Variants in MYO9A observed in about 807,000 individuals in gnomAD.
The protein encoded by MYO9A is myosin IXA, also known as unconventional myosin-IXa.
A neutral mutation model predicts 293.3 loss-of-function variants in MYO9A; 103 were observed. The ratio of observed to expected loss-of-function variants is 0.35; its 90% confidence interval spans 0.30 to 0.41. The LOEUF (loss-of-function observed/expected upper bound fraction) is 0.41, where lower values mean the gene tolerates loss of function less well. Among genes scored for constraint, MYO9A ranks in the 10% least tolerant of loss-of-function variants. MYO9A has a pLI of 1.00. For synonymous variants in MYO9A, 1,001 were observed against 1,035.7 expected (o/e 0.97, Z 0.64); for missense variants, 2,685 against 3,033.0 (o/e 0.89, Z 2.69).
intron 15 of MYO9A, among the ~76,000 whole-genome samples, chr15:71,945,871 T>C (rs1224121467): frequency 2.6e-5 from 4 of 152,290 alleles, no homozygotes; most frequent in Non-Finnish European, 2.9e-5. Context: ...AGGATTTTCA[T>C]GCATATTCTT....
chr15:71,850,081 G>C lies in MYO9A; in HGVS notation c.6668C>G (p.Thr2223Ser), dbSNP rs201022281. The C allele has an allele frequency of 3.0e-5, 49 of 1,613,982 alleles. No individual in the cohort carries two copies. The highest frequency in any genetic ancestry group is 3.9e-5 in the Non-Finnish European group (46 of 1,179,964). ...FAPCILRCPD[T>S]TDPLQSVQDI... ...CTGTACACTTTGTAGTGGGTCAGTG[G>C]TGTCAGGGCAGCGGAGAATGCAGGG... Residue 2223 changes from threonine to serine, a missense_variant, in exon 38 of 42, where the codon ACC (threonine) becomes AGC (serine). Thr to Ser is a moderately conservative substitution (Grantham distance 58, BLOSUM62 1). Coordinates refer to ENST00000356056, the MANE Select transcript of MYO9A (RefSeq NM_006901.4).
intron 1 of MYO9A, among the ~76,000 whole-genome samples, chr15:72,115,372 T>C (rs965441411): frequency 6.6e-5 from 10 of 152,254 alleles, no homozygotes; most frequent in Middle Eastern, 6.8e-3. Context: ...AAACTGAACA[T>C]GTCACAAATT....
rs962122350 is a variant in MYO9A at position 71,822,569 on chromosome 15, A to G, written c.*4011T>C. Reference sequence around the variant, plus strand: ...ACAGTAAAATGTTATATTTCACAGGATATGTCCTTTTATAATACAGTTTTT... The same window carrying G: ...ACAGTAAAATGTTATATTTCACAGGGTATGTCCTTTTATAATACAGTTTTT... On this transcript the variant is annotated 3_prime_UTR_variant, in exon 42 of 42. Transcript: ENST00000356056. 2.6e-5 allele frequency: 4 copies of G among 152,178 alleles called. No homozygotes were observed. Among genetic ancestry groups the G allele is most frequent in the African/African-American group, 9.7e-5 (4 of 41,436 alleles). 9.4% of individuals were successfully genotyped at this position (152,178 alleles called of 1,614,324 possible). A position where few individuals can be genotyped will look rare whatever the true frequency, so the allele number is the denominator to read the frequency against.
At chr15:72,050,630 A>G (rs2078530686) in intron 1 of MYO9A, among the ~76,000 whole-genome samples, 1 of 151,066 alleles carries the variant, frequency 6.6e-6, no homozygotes, top group Non-Finnish European at 1.5e-5. Context: ...AAATAAATAA[A>G]CAAACAAACA....
intron 1 of MYO9A, among the ~76,000 whole-genome samples, chr15:72,070,890 T>C (rs939662185): frequency 3.3e-5 from 5 of 152,152 alleles, no homozygotes; most frequent in African/African-American, 1.2e-4. Flanking sequence ...TCTCACCATA[T>C]ACAAAAATTA....
rs1201738526 is a variant in MYO9A at position 71,897,525 on chromosome 15, G to C, written c.4978C>G (p.Leu1660Val). ...GGCCTAGCATTTCCCTCTCTGGAAA[G>C]GTCATCAGAATTGTGGCTGTAAGAC... ...TQSYSHNSDD[L>V]SREGNARPIF... The change falls in exon 25 of 42, where the codon CTT becomes GTT. Residue 1660 changes from leucine to valine, a missense_variant. Leu to Val is a conservative substitution (Grantham distance 32). Transcript: ENST00000356056. 1.2e-6 allele frequency: 2 copies of C among 1,614,034 alleles called. No homozygotes were observed. Among genetic ancestry groups the C allele is most frequent in the Non-Finnish European group, 1.7e-6 (2 of 1,179,896 alleles).
chr15:72,040,987 G>C (rs28634283), intron 2 of MYO9A, among the ~76,000 whole-genome samples: 1 of 152,144 alleles, frequency 6.6e-6, no homozygotes. Context: ...TTAAAAGCTT[G>C]TAATTCTAGC....
intron 18 of MYO9A, among the ~76,000 whole-genome samples, chr15:71,917,522 G>C (rs2058043718): frequency 6.6e-6 from 1 of 152,126 alleles, no homozygotes; most frequent in South Asian, 2.1e-4. Flanking sequence ...GCAACAGTGA[G>C]AGACTCTGTC....
chr15:72,111,358 G>A (rs1414886959), intron 1 of MYO9A, among the ~76,000 whole-genome samples: 19 of 142,704 alleles, frequency 1.3e-4, no homozygotes, highest in African/African-American at 4.2e-4. Context: ...GCATGGTGGC[G>A]TGCACCTGTA....
rs192273543 is a variant in MYO9A at position 72,107,865 on chromosome 15, T to C, written c.-72+9815A>G. Among the ~76,000 whole-genome samples the C allele has an allele frequency of 9.3e-5, 14 of 150,386 alleles. No individual in the cohort carries two copies. The East Asian group carries it at 2.5e-3, about 27-fold the overall frequency. On this transcript the variant is annotated intron_variant, in intron 1 of 41. Coordinates refer to ENST00000356056, the MANE Select transcript of MYO9A (RefSeq NM_006901.4). ...AGTCATGAGACCATTAAAAACCTCA[T>C]TTGCTACTATTGTAGATGACTATTA...
chr15:71,901,073 T>C, intron 23 of MYO9A, 118 bp downstream of exon 23: 1 of 1,129,340 alleles, frequency 8.9e-7, no homozygotes, highest in Non-Finnish European at 1.2e-6. Flanking sequence ...GTACGACATA[T>C]TCTCATTTCT....
chr15:71,961,752 G>T (rs1050303003), intron 13 of MYO9A, among the ~76,000 whole-genome samples: 1 of 151,778 alleles, frequency 6.6e-6, no homozygotes, highest in African/African-American at 2.4e-5. Context: ...TTTAAACAAG[G>T]TCTCGCTCTT....
At chr15:71,920,849 G>T (rs762004488) in intron 18 of MYO9A, among the ~76,000 whole-genome samples, 40 of 151,994 alleles carry the variant, frequency 2.6e-4, no homozygotes, top group Non-Finnish European at 2.6e-4. Context: ...TGGGTGGCTG[G>T]GGCACAAGAA....
At chr15:72,080,485 G>GCTCAAGGA (rs1567018768) in intron 1 of MYO9A, among the ~76,000 whole-genome samples, 1 of 151,844 alleles carries the variant, frequency 6.6e-6, no homozygotes, top group Non-Finnish European at 1.5e-5. Flanking sequence ...AGTCTCCACA[G>GCTCAAGGA]CTCAAGGAGA....
Position 71,827,918 on chromosome 15 carries a change from A to G in MYO9A, c.7149T>C (p.Asn2383=), listed in dbSNP as rs1304709551. The change falls in exon 41 of 42, where the codon AAT becomes AAC. Residue 2383 remains asparagine, a synonymous_variant. Coordinates refer to ENST00000356056, the MANE Select transcript of MYO9A (RefSeq NM_006901.4). ...IGTADSSENL[N]MESEYAISEK... ...CAGAGATAGCATATTCAGACTCCAT[A>G]TTCAAATTCTCTGAGCTATCAGCAG... 6.2e-7 allele frequency: 1 copy of G among 1,613,820 alleles called. No individual in the cohort carries two copies. The highest frequency in any genetic ancestry group is 8.5e-7 in the Non-Finnish European group (1 of 1,179,792).
intron 31 of MYO9A, among the ~76,000 whole-genome samples, chr15:71,877,264 C>T (rs1017531171): frequency 6.6e-6 from 1 of 151,888 alleles, no homozygotes; most frequent in Non-Finnish European, 1.5e-5. Context: ...TACACAACAC[C>T]GAGTACGATT....
At chr15:72,097,129 C>A (rs1479417794) in intron 1 of MYO9A, among the ~76,000 whole-genome samples, 2 of 152,124 alleles carry the variant, frequency 1.3e-5, no homozygotes, top group Non-Finnish European at 2.9e-5. Flanking sequence ...AAGACTGACT[C>A]CAATTTTGAA....
At position 71,858,137 on chromosome 15, in the gene MYO9A, G is replaced by A. The variant is rs555329822; in HGVS notation, c.6153+1598C>T. On this transcript the variant is annotated intron_variant, in intron 34 of 41. Coordinates refer to ENST00000356056, the MANE Select transcript of MYO9A (RefSeq NM_006901.4). The stretch of plus-strand genomic sequence containing the variant: ...TGCTGGAGAGGATGTGGAGAAATAG[G>A]AACACTTTTACACTGTTGGTGGGAC... 7.2e-5 allele frequency among the ~76,000 whole-genome samples: 11 copies of A among 152,406 alleles called. No homozygotes were observed. The East Asian group carries it at 1.9e-3, about 27-fold the overall frequency.
intron 13 of MYO9A, among the ~76,000 whole-genome samples, chr15:71,967,151 C>T (rs1218945692): frequency 6.6e-6 from 1 of 152,152 alleles, no homozygotes; most frequent in African/African-American, 2.4e-5. Context: ...TTACTACTTT[C>T]TCTCATAGGA....
Sources: allele counts gnomAD v4.1 joint callset (sites outside exome capture counted in the v4.1 genomes callset), GRCh38; gene constraint gnomAD v4.1.1; transcripts MANE v1.5; gene names NCBI Gene and HGNC (gene_info 2026-07-23, HGNC 2026-07-21).